A1CF: variants seen among roughly 807,000 people sequenced by gnomAD.
A1CF encodes the protein APOBEC1 complementation factor.
A neutral mutation model predicts 68.9 loss-of-function variants in A1CF; 48 were observed. That is an observed-to-expected ratio of 0.70 (90% CI 0.55 to 0.89). The LOEUF is 0.89. Ranked by LOEUF, A1CF falls within the 40% of genes least tolerant of loss-of-function variation. A1CF has a pLI of 0.00. For missense variants in A1CF, 653 were observed against 718.9 expected (o/e 0.91, Z 1.05); for synonymous variants, 272 against 260.4 (o/e 1.04, Z -0.43).
intron 3 of A1CF, among the ~76,000 whole-genome samples, chr10:50,855,273 G>A (rs112529431): frequency 1.2e-3 from 184 of 151,706 alleles, no homozygotes; most frequent in African/African-American, 4.2e-3. Flanking sequence ...GCTAGCTTTC[G>A]AAATCAGGAA....
chr10:50,814,911 C>T (rs1838293664), intron 9 of A1CF, among the ~76,000 whole-genome samples: 1 of 152,060 alleles, frequency 6.6e-6, no homozygotes. Flanking sequence ...GACAAGTTAC[C>T]TTAAAGGAAA....
intron 3 of A1CF, among the ~76,000 whole-genome samples, chr10:50,848,644 T>C (rs767961770): frequency 8.5e-5 from 13 of 152,186 alleles, no homozygotes; most frequent in Non-Finnish European, 1.6e-4. Flanking sequence ...AAGTTTGTAA[T>C]CGTCTTTGTG....
intron 3 of A1CF, among the ~76,000 whole-genome samples, chr10:50,858,787 T>A (rs1244640603): frequency 6.6e-6 from 1 of 152,104 alleles, no homozygotes; most frequent in Admixed American, 6.5e-5. Context: ...ATTTTAAGTA[T>A]TAAAAAAACT....
intron 3 of A1CF, chr10:50,850,522 C>G: frequency 9.1e-7 from 1 of 1,095,176 alleles, no homozygotes; most frequent in South Asian, 1.3e-5. Flanking sequence ...AACATTTTGT[C>G]AGTGTTTTTC....
chr10:50,803,791 C>T lies in A1CF; in HGVS notation c.*2938G>A, dbSNP rs1191459586. On this transcript the variant is annotated 3_prime_UTR_variant, in exon 13 of 13. Coordinates refer to ENST00000373997, the MANE Select transcript of A1CF (RefSeq NM_014576.4). ...TTGTTATTATCACCTGGTTGGGTGACAAATTTTAATTTTTTCTGTAAAGAA... is the reference window on the plus strand; with the variant it reads ...TTGTTATTATCACCTGGTTGGGTGATAAATTTTAATTTTTTCTGTAAAGAA... The T allele has an allele frequency of 6.6e-6, 1 of 152,030 alleles. No individual in the cohort carries two copies. The highest frequency in any genetic ancestry group is 2.4e-5 in the African/African-American group (1 of 41,404). 9.4% of individuals were successfully genotyped at this position (152,030 alleles called of 1,614,324 possible). A position where few individuals can be genotyped will look rare whatever the true frequency, so the allele number is the denominator to read the frequency against.
intron 1 of A1CF, among the ~76,000 whole-genome samples, chr10:50,874,199 T>C (rs1841401549): frequency 6.6e-6 from 1 of 152,206 alleles, no homozygotes; most frequent in South Asian, 2.1e-4. Flanking sequence ...CAGATCATCA[T>C]TTTTGCAAAA....
At chr10:50,869,823 T>C (rs953712128) in intron 1 of A1CF, among the ~76,000 whole-genome samples, 1 of 152,064 alleles carries the variant, frequency 6.6e-6, no homozygotes, top group African/African-American at 2.4e-5. Context: ...TAATTTGTTA[T>C]CTCTGGGTGA....
In A1CF at chr10:50,836,314, T is replaced by A; in HGVS notation, c.366-2A>T. The A allele has an allele frequency of 1.2e-6, 2 of 1,606,434 alleles. No individual in the cohort carries two copies. Among genetic ancestry groups the A allele is most frequent in the Non-Finnish European group, 1.7e-6 (2 of 1,177,634 alleles). On this transcript the variant is annotated splice_acceptor_variant, in intron 5 of 12. Coordinates refer to ENST00000373997, the MANE Select transcript of A1CF (RefSeq NM_014576.4). LOFTEE classifies it high-confidence loss of function. Reference sequence around the variant, plus strand: ...CAAACCCCTAAGAGGCGCCCATTTCTGCAAAAAGAGCAGGGATTTTGATTG... The same window carrying A: ...CAAACCCCTAAGAGGCGCCCATTTCAGCAAAAAGAGCAGGGATTTTGATTG...
intron 11 of A1CF, 151 bp downstream of exon 11, chr10:50,810,889 G>T: frequency 3.3e-6 from 3 of 915,654 alleles, no homozygotes; most frequent in Non-Finnish European, 4.5e-6. Flanking sequence ...TTCATGGCTG[G>T]CACATCCCAA....
Position 50,805,482 on chromosome 10 carries a change from G to C in A1CF, c.*1247C>G, listed in dbSNP as rs1837775807. 6.6e-6 allele frequency: 1 copy of C among 152,166 alleles called. No individual in the cohort carries two copies. The highest frequency in any genetic ancestry group is 6.5e-5 in the Admixed American group (1 of 15,268). 9.4% of individuals were successfully genotyped at this position (152,166 alleles called of 1,614,324 possible). Reference sequence around the variant, plus strand: ...ATCATCAGATATTTCTGGAGAAGAGGCCTAGGACTCTGGGGGGAATTTGGT... The same window carrying C: ...ATCATCAGATATTTCTGGAGAAGAGCCCTAGGACTCTGGGGGGAATTTGGT... On this transcript the variant is annotated 3_prime_UTR_variant, in exon 13 of 13. Coordinates refer to ENST00000373997, the MANE Select transcript of A1CF (RefSeq NM_014576.4).
At chr10:50,812,346 T>C (rs1404084829) in intron 10 of A1CF, among the ~76,000 whole-genome samples, 47 of 152,166 alleles carry the variant, frequency 3.1e-4, no homozygotes, top group Non-Finnish European at 1.5e-5. Flanking sequence ...CCCATCTGTG[T>C]TGGTTGGTGG....
rs1293816775 is a variant in A1CF at position 50,851,783 on chromosome 10, T to G, written c.100-7661A>C. On this transcript the variant is annotated intron_variant, in intron 3 of 12. Transcript: ENST00000373997. ...TATGGGATTGGATGTTATTTAATGA[T>G]GTGGACAATGTGCCATTTAACATCA... Among the ~76,000 whole-genome samples, 3 of 152,232 alleles carry G rather than the reference T, an allele frequency of 2.0e-5. No homozygotes were observed. The East Asian group carries it at 5.8e-4, about 29-fold the overall frequency.
intron 7 of A1CF, 150 bp from the exon 8 acceptor site, chr10:50,820,799 G>T (rs1838617693): frequency 7.6e-6 from 4 of 523,790 alleles, no homozygotes; most frequent in South Asian, 8.2e-5. Flanking sequence ...TTCAACAGAA[G>T]ATTTTTTTTG....
chr10:50,881,994 C>T (rs971084523), intron 1 of A1CF, among the ~76,000 whole-genome samples: 5 of 152,080 alleles, frequency 3.3e-5, no homozygotes, highest in Non-Finnish European at 7.4e-5. Context: ...TAAAAGAAAT[C>T]AAATTAGAGC....
rs1216251080 is a variant in A1CF, at chr10:50,836,186, GACA to G, written c.489_491del (p.Val164del). Reference sequence around the variant, plus strand: ...CAGCGCTTGGGTAGACGATGACATCGACAACACCTTCAGTAACCTTTTTCATCT... The same window carrying G: ...CAGCGCTTGGGTAGACGATGACATCGACACCTTCAGTAACCTTTTTCATCT... On this transcript the variant is annotated inframe_deletion, in exon 6 of 13. Coordinates refer to ENST00000373997, the MANE Select transcript of A1CF (RefSeq NM_014576.4). 1 of 1,613,814 alleles carries G rather than the reference GACA, an allele frequency of 6.2e-7. No homozygotes were observed. Among genetic ancestry groups the G allele is most frequent in the African/African-American group, 1.3e-5 (1 of 74,904 alleles).
chr10:50,869,550 T>G (rs1841153561), intron 1 of A1CF, among the ~76,000 whole-genome samples: 1 of 152,152 alleles, frequency 6.6e-6, no homozygotes, highest in Non-Finnish European at 1.5e-5. Context: ...CTAAGACTGT[T>G]CATGTTTGTC....
chr10:50,808,115 A>G (rs1837921370), intron 12 of A1CF, among the ~76,000 whole-genome samples: 1 of 152,204 alleles, frequency 6.6e-6, no homozygotes, highest in Middle Eastern at 3.2e-3. Context: ...ACATGCATGC[A>G]TGTGTTTGTG....
chr10:50,846,162 C>A (rs1365637460), intron 3 of A1CF, among the ~76,000 whole-genome samples: 1 of 152,094 alleles, frequency 6.6e-6, no homozygotes, highest in Non-Finnish European at 1.5e-5. Flanking sequence ...AATTCCACAC[C>A]TGACCTCATG....
chr10:50,879,518 A>G (rs1341933339), intron 1 of A1CF, among the ~76,000 whole-genome samples: 1 of 152,186 alleles, frequency 6.6e-6, no homozygotes, highest in East Asian at 1.9e-4. Flanking sequence ...ACAGTTCTGC[A>G]TGGCTGGGGA....
Sources: allele counts gnomAD v4.1 joint callset (sites outside exome capture counted in the v4.1 genomes callset), GRCh38; gene constraint gnomAD v4.1.1; transcripts MANE v1.5; gene names NCBI Gene and HGNC (gene_info 2026-07-23, HGNC 2026-07-21).